Variants in HIP1 observed in about 807,000 individuals in gnomAD.
HIP1 encodes huntingtin interacting protein 1, also known as huntingtin-interacting protein 1.
A neutral mutation model predicts 147.6 loss-of-function variants in HIP1; 65 were observed. The ratio of observed to expected loss-of-function variants is 0.44; its 90% CI spans 0.36 to 0.54. HIP1 has a LOEUF of 0.54. Ranked by LOEUF, HIP1 falls within the 20% of genes least tolerant of loss-of-function variation. The pLI is 0.00. For synonymous variants in HIP1, 479 were observed against 504.0 expected (o/e 0.95, Z 0.67); for missense variants, 1,061 against 1,299.6 (o/e 0.82, Z 2.82).
intron 1 of HIP1, among the ~76,000 whole-genome samples, chr7:75,612,965 A>G (rs1385537401): frequency 6.6e-6 from 1 of 151,766 alleles, no homozygotes; most frequent in East Asian, 1.9e-4. Flanking sequence ...TTAGCTGGGC[A>G]TGGTGGCAGG....
chr7:75,683,750 T>C (rs1187280224), intron 1 of HIP1, among the ~76,000 whole-genome samples: 1 of 152,190 alleles, frequency 6.6e-6, no homozygotes, highest in Non-Finnish European at 1.5e-5. Flanking sequence ...GCTCCCAATT[T>C]GTTAAAGGGT....
At chr7:75,721,354 ACAGAGCAGGACT>A (rs1483108095) in intron 1 of HIP1, among the ~76,000 whole-genome samples, 1 of 152,028 alleles carries the variant, frequency 6.6e-6, no homozygotes, top group Non-Finnish European at 1.5e-5. Flanking sequence ...AGCCTGAGCA[ACAGAGCAGGACT>A]CTATCTAAAA....
chr7:75,675,946 C>T (rs1271367968), intron 1 of HIP1, among the ~76,000 whole-genome samples: 1 of 152,156 alleles, frequency 6.6e-6, no homozygotes, highest in Non-Finnish European at 1.5e-5. Context: ...TTCTGGGTTT[C>T]CTCAGGGACT....
Position 75,533,712 on chromosome 7 carries a change from C to T in HIP1, c.*4460G>A, listed in dbSNP as rs1378265428. On this transcript the variant is annotated 3_prime_UTR_variant, in exon 31 of 31. Coordinates refer to ENST00000336926, the MANE Select transcript of HIP1 (RefSeq NM_005338.7). ...GTCTGGAAAAATCTACTCTCAGAATCGAACCCAACAGCATTGAATTGTTTC... is the reference window on the plus strand; with the variant it reads ...GTCTGGAAAAATCTACTCTCAGAATTGAACCCAACAGCATTGAATTGTTTC... 10 of 232,738 alleles carry T rather than the reference C, an allele frequency of 4.3e-5. No individual in the cohort carries two copies. In the East Asian group the frequency reaches 5.5e-4, roughly 13 times the overall value. The allele number at this position is 232,738 out of a possible 1,614,324, so 14.4% of individuals were successfully genotyped here.
At chr7:75,577,775 C>A (rs34926466) in intron 7 of HIP1, among the ~76,000 whole-genome samples, 62,660 of 151,934 alleles carry the variant, frequency 0.41, 15,591 homozygotes, top group African/African-American at 0.71. Flanking sequence ...CAAGGCAGGC[C>A]GATCACTTGA....
intron 22 of HIP1, 103 bp downstream of exon 22, chr7:75,553,350 G>C: frequency 7.3e-7 from 1 of 1,366,432 alleles, no homozygotes; most frequent in South Asian, 1.3e-5. Context: ...CAAGTTCTAA[G>C]TGCAGAAAGA....
In HIP1 at chr7:75,533,496, T is replaced by C. The variant is rs1255185352; in HGVS notation, c.*4676A>G. 8.6e-6 allele frequency: 2 copies of C among 231,880 alleles called. No homozygotes were observed. Among genetic ancestry groups the C allele is most frequent in the Non-Finnish European group, 1.7e-5 (2 of 117,370 alleles). The allele number at this position is 231,880 out of a possible 1,614,324, so 14.4% of individuals were successfully genotyped here. ...CCCTAATGGAAACCCAGGGGAAAGG[T>C]TAAAAACAGAAGAAAAACAAACCCA... On this transcript the variant is annotated 3_prime_UTR_variant, in exon 31 of 31. Coordinates refer to ENST00000336926, the MANE Select transcript of HIP1 (RefSeq NM_005338.7).
At position 75,677,529 on chromosome 7, in the gene HIP1, C is replaced by G. The variant is rs2525475; in HGVS notation, c.120+61272G>C. ...GTTGAGGCATGAGAATTGCTTGAACCTGGAGGTGGAGTTTGCAGTGAGCCG... is the reference window on the plus strand; with the variant it reads ...GTTGAGGCATGAGAATTGCTTGAACGTGGAGGTGGAGTTTGCAGTGAGCCG... On this transcript the variant is annotated intron_variant, in intron 1 of 30. Coordinates refer to ENST00000336926, the MANE Select transcript of HIP1 (RefSeq NM_005338.7). Among the ~76,000 whole-genome samples, 1,316 of 148,844 alleles carry G rather than the reference C, an allele frequency of 8.8e-3. 22 individuals are homozygous for G. Among genetic ancestry groups the G allele is most frequent in the African/African-American group, 0.031 (1,254 of 40,404 alleles).
At chr7:75,641,758 C>T (rs1161854126) in intron 1 of HIP1, among the ~76,000 whole-genome samples, 3 of 152,198 alleles carry the variant, frequency 2.0e-5, no homozygotes, top group East Asian at 3.9e-4. Flanking sequence ...GGATTACAGG[C>T]GTGAGCCACT....
chr7:75,657,791 G>C (rs1298308436), intron 1 of HIP1, among the ~76,000 whole-genome samples: 1 of 151,766 alleles, frequency 6.6e-6, no homozygotes, highest in African/African-American at 2.4e-5. Flanking sequence ...ATTAATATTG[G>C]GTATTATATG....
chr7:75,660,630 G>A (rs1554513464), intron 1 of HIP1, among the ~76,000 whole-genome samples: 3 of 152,162 alleles, frequency 2.0e-5, no homozygotes, highest in Non-Finnish European at 1.5e-5. Context: ...AATGCAACCG[G>A]TAGACAGGAT....
rs1401577361 is a variant in HIP1, at chr7:75,568,247, G to T, written c.755C>A (p.Ala252Asp). The T allele has an allele frequency of 3.7e-6, 6 of 1,612,186 alleles. No individual in the cohort carries two copies. Among genetic ancestry groups the T allele is most frequent in the Non-Finnish European group, 5.1e-6 (6 of 1,178,272 alleles). Residue 252 changes from alanine (A) to aspartate (D), a missense_variant, in exon 9 of 31, where the codon GCT (alanine) becomes GAT (aspartate). Ala to Asp is a moderately radical substitution (Grantham distance 126, BLOSUM62 -2). Transcript: ENST00000336926. The surrounding 1 kb of genome is among the most constrained non-coding windows in gnomAD (Gnocchi z 4.1). ...GTCCCGGTGGCCTTGCAGGGTGTCA[G>T]CTGGGAGGCCTGGAAGAAATTGGAA... The part of the protein sequence containing the change: ...LLFKLHSCLP[A>D]DTLQGHRDRF...
At chr7:75,560,096 A>T (rs370419668) in intron 13 of HIP1, among the ~76,000 whole-genome samples, 181 bp from the exon 14 acceptor site, 5 of 152,092 alleles carry the variant, frequency 3.3e-5, no homozygotes, top group Admixed American at 3.3e-4. Context: ...CAACAATAAC[A>T]GGGGATGATG....
At position 75,565,537 on chromosome 7, in the gene HIP1, G is replaced by T. The variant is rs587648698; in HGVS notation, c.804-2274C>A. 1.3e-4 allele frequency among the ~76,000 whole-genome samples: 20 copies of T among 152,306 alleles called. No homozygotes were observed. In the South Asian group the frequency reaches 4.1e-3, roughly 32 times the overall value. ...ACAACCACACACTTGTCCTTCGCTT[G>T]CTCCTGGGGAACCAGGCAGAGAAGC... On this transcript the variant is annotated intron_variant, in intron 9 of 30. Transcript: ENST00000336926.
chr7:75,635,896 G>C (rs1160835023), intron 1 of HIP1, among the ~76,000 whole-genome samples: 1 of 151,194 alleles, frequency 6.6e-6, no homozygotes, highest in Non-Finnish European at 1.5e-5. Flanking sequence ...AGTGGTGTGC[G>C]CCTGTAATCC....
At chr7:75,576,413 A>G (rs1795847722) in intron 7 of HIP1, among the ~76,000 whole-genome samples, 1 of 152,176 alleles carries the variant, frequency 6.6e-6, no homozygotes, top group South Asian at 2.1e-4. Flanking sequence ...GTGGGTGTCA[A>G]AAGTCTTCCC....
At position 75,549,014 on chromosome 7, in the gene HIP1, CACA is replaced by C. The variant is rs1794678445; in HGVS notation, c.2296-16_2296-14del. On this transcript the variant is annotated splice_polypyrimidine_tract_variant and intron_variant, in intron 22 of 30. Coordinates refer to ENST00000336926, the MANE Select transcript of HIP1 (RefSeq NM_005338.7). ...TGGGCAGGAGCTCCTGTGAACACAT[CACA>C]AAGGCTGAACTGACCTTGGGGCCTC... 6.3e-7 allele frequency: 1 copy of C among 1,583,480 alleles called. No homozygotes were observed. The highest frequency in any genetic ancestry group is 8.7e-7 in the Non-Finnish European group (1 of 1,152,152).
At chr7:75,716,183 A>C (rs1554520562) in intron 1 of HIP1, among the ~76,000 whole-genome samples, 1 of 152,114 alleles carries the variant, frequency 6.6e-6, no homozygotes, top group African/African-American at 2.4e-5. Context: ...CCAGTATGGA[A>C]AGTTCCAGAC....
chr7:75,731,243 G>T (rs1055540719), intron 1 of HIP1, among the ~76,000 whole-genome samples: 6 of 151,928 alleles, frequency 3.9e-5, no homozygotes, highest in Non-Finnish European at 7.4e-5. Context: ...AGCACTTTGG[G>T]AGGCCAAGGT....
Sources: gnomAD v4.1 joint callset for allele counts (sites outside exome capture counted in the v4.1 genomes callset) on GRCh38, gnomAD v4.1.1 for gene constraint, Gnocchi (gnomAD v3.1) non-coding constraint, MANE v1.5 for transcripts, NCBI Gene and HGNC (gene_info 2026-07-23, HGNC 2026-07-21) for gene names.